IARS1: variants seen among roughly 807,000 people sequenced by gnomAD.
IARS1 encodes the protein isoleucine--tRNA ligase, cytoplasmic.
A neutral mutation model predicts 168.2 loss-of-function variants in IARS1; 124 were observed. That is an observed-to-expected ratio of 0.74 (90% CI 0.64 to 0.86). IARS1 has a LOEUF of 0.86. IARS1 is among the 40% of genes least tolerant of loss of function. The probability of loss-of-function intolerance (pLI) is 0.00; values close to 1 mark genes in which losing one functional copy is unlikely to be tolerated. For missense variants in IARS1, 1,452 were observed against 1,515.8 expected, an observed-to-expected ratio of 0.96 and a Z score of 0.70; for synonymous variants, 532 against 529.4, an observed-to-expected ratio of 1.00 and a Z score of -0.07.
At chr9:92,273,438 AT>A (rs1833373670) in intron 10 of IARS1, among the ~76,000 whole-genome samples, 1 of 152,194 alleles carries the variant, frequency 6.6e-6, no homozygotes, top group Non-Finnish European at 1.5e-5. Context: ...GAGGATGAGG[AT>A]TTGCTTTTAA....
At chr9:92,244,428 C>T (rs1028814183) in intron 27 of IARS1, among the ~76,000 whole-genome samples, 1 of 152,088 alleles carries the variant, frequency 6.6e-6, no homozygotes, top group Non-Finnish European at 1.5e-5. Context: ...AACCCACATG[C>T]GAGATCTTAC....
At chr9:92,281,281 G>A (rs1456624845) in intron 6 of IARS1, among the ~76,000 whole-genome samples, 1 of 151,852 alleles carries the variant, frequency 6.6e-6, no homozygotes, top group Non-Finnish European at 1.5e-5. Context: ...TTATAGGTGC[G>A]TGTCACCACA....
intron 6 of IARS1, among the ~76,000 whole-genome samples, chr9:92,282,286 CA>C (rs1325018148): frequency 6.6e-6 from 1 of 151,824 alleles, no homozygotes; most frequent in Non-Finnish European, 1.5e-5. Flanking sequence ...TTTGAAACTA[CA>C]TCAAAATTAA....
intron 10 of IARS1, among the ~76,000 whole-genome samples, chr9:92,273,859 C>T (rs1281800365): frequency 6.6e-6 from 1 of 152,224 alleles, no homozygotes; most frequent in Non-Finnish European, 1.5e-5. Context: ...CTACACCATG[C>T]TACAGAGGAG....
Position 92,253,469 on chromosome 9 carries a change from G to C in IARS1, c.2138-16C>G, listed in dbSNP as rs778083639. ...AGCCTATAAGCTAAAAGTAAGACAA[G>C]TCAATCAGGCAGCAAGTGGGTTACC... On this transcript the variant is annotated splice_polypyrimidine_tract_variant and intron_variant, in intron 20 of 33. Coordinates refer to ENST00000443024, the MANE Select transcript of IARS1 (RefSeq NM_002161.6). 1 of 1,578,918 alleles carries C rather than the reference G, an allele frequency of 6.3e-7. No individual in the cohort carries two copies. Among genetic ancestry groups the C allele is most frequent in the East Asian group, 2.2e-5 (1 of 44,698 alleles).
At chr9:92,228,072 G>C (rs1390950369) in intron 31 of IARS1, among the ~76,000 whole-genome samples, 1 of 152,166 alleles carries the variant, frequency 6.6e-6, no homozygotes, top group Non-Finnish European at 1.5e-5. Context: ...ACGAGACTCC[G>C]TCTGCAATCC....
At chr9:92,217,569 C>CT (rs1183608477) in intron 33 of IARS1, among the ~76,000 whole-genome samples, 2 of 150,532 alleles carry the variant, frequency 1.3e-5, no homozygotes, top group Non-Finnish European at 3.0e-5. Context: ...CAAATAGACG[C>CT]AATACAAAAT....
intron 33 of IARS1, among the ~76,000 whole-genome samples, chr9:92,220,102 G>C (rs1839422396): frequency 6.7e-6 from 1 of 148,614 alleles, no homozygotes; most frequent in Non-Finnish European, 1.5e-5. Context: ...AAAATGATGA[G>C]TTCATGTCCT....
At chr9:92,213,868 G>C (rs1838178860) in intron 33 of IARS1, among the ~76,000 whole-genome samples, 1 of 152,078 alleles carries the variant, frequency 6.6e-6, no homozygotes, top group African/African-American at 2.4e-5. Context: ...CTGGAGTGCA[G>C]TGATGCAATC....
At chr9:92,270,927 G>GT (rs1832936645) in intron 12 of IARS1, 58 bp downstream of exon 12, 21 of 1,156,060 alleles carry the variant, frequency 1.8e-5, no homozygotes, top group Non-Finnish European at 2.6e-5. Flanking sequence ...GGCACATATA[G>GT]TAAGTGTAAG....
chr9:92,219,061 T>A (rs1839249418), intron 33 of IARS1, among the ~76,000 whole-genome samples: 1 of 152,144 alleles, frequency 6.6e-6, no homozygotes, highest in Non-Finnish European at 1.5e-5. Flanking sequence ...ATGGTACTGG[T>A]ACCAAAATAG....
At chr9:92,279,074 C>G (rs2133930086) in intron 7 of IARS1, among the ~76,000 whole-genome samples, 1 of 152,250 alleles carries the variant, frequency 6.6e-6, no homozygotes, top group East Asian at 1.9e-4. Flanking sequence ...AATTTAAACT[C>G]TCATCATAAG....
In IARS1 at chr9:92,287,782, C is replaced by G; in HGVS notation, c.396+9G>C. ...TGCTGTTCATTCTACTGAAAAAAAC[C>G]CAACATACCTTCCACTCAGCAGAAT... On this transcript the variant is annotated intron_variant, in intron 4 of 33. Coordinates refer to ENST00000443024, the MANE Select transcript of IARS1 (RefSeq NM_002161.6). 1 of 1,606,430 alleles carries G rather than the reference C, an allele frequency of 6.2e-7. No individual in the cohort carries two copies. Among genetic ancestry groups the G allele is most frequent in the South Asian group, 1.1e-5 (1 of 89,742 alleles).
intron 16 of IARS1, among the ~76,000 whole-genome samples, chr9:92,263,959 A>G (rs894172192): frequency 6.6e-6 from 1 of 152,244 alleles, no homozygotes; most frequent in Non-Finnish European, 1.5e-5. Context: ...GAATTCAATG[A>G]TTACCCAAAG....
chr9:92,218,118 A>T (rs1430061644), intron 33 of IARS1, among the ~76,000 whole-genome samples: 1 of 152,158 alleles, frequency 6.6e-6, no homozygotes, highest in African/African-American at 2.4e-5. Flanking sequence ...GGCTGGTTCA[A>T]TATACGCAAA....
chr9:92,244,942 A>G lies in IARS1; in HGVS notation c.2904+17T>C. The G allele has an allele frequency of 6.3e-7, 1 of 1,599,842 alleles. No homozygotes were observed. Among genetic ancestry groups the G allele is most frequent in the East Asian group, 2.2e-5 (1 of 44,820 alleles). On this transcript the variant is annotated intron_variant, in intron 27 of 33. Coordinates refer to ENST00000443024, the MANE Select transcript of IARS1 (RefSeq NM_002161.6). ...TCATCTCTTGGTAAAGAAATGTTCTAGGAAACAGAAAAATACCTGAGCATC... is the reference window on the plus strand; with the variant it reads ...TCATCTCTTGGTAAAGAAATGTTCTGGGAAACAGAAAAATACCTGAGCATC...
chr9:92,237,398 T>A (rs1435011452), intron 30 of IARS1, among the ~76,000 whole-genome samples: 1 of 152,222 alleles, frequency 6.6e-6, no homozygotes, highest in Non-Finnish European at 1.5e-5. Flanking sequence ...GAGAGCACAC[T>A]CTGGTTTCAA....
rs751888371 is a variant in IARS1 at position 92,265,523 on chromosome 9, CAA to C, written c.1460_1461del (p.Leu487ArgfsTer17). ...GAGATCTTTGCTCCTGACAGTTCTT[CAA>C]GTTCCGCCACTGACCCAATGCATAC... ...EVVCIGSVAELEELSGAKISD... is the reference protein window; with the variant it reads ...EVVCIGSVAEXEELSGAKISD... On this transcript the variant is annotated frameshift_variant, in exon 15 of 34. Coordinates refer to ENST00000443024, the MANE Select transcript of IARS1 (RefSeq NM_002161.6). LOFTEE classifies it high-confidence loss of function. 1 of 1,613,974 alleles carries C rather than the reference CAA, an allele frequency of 6.2e-7. No homozygotes were observed. The highest frequency in any genetic ancestry group is 1.3e-5 in the African/African-American group (1 of 74,926).
intron 22 of IARS1, 47 bp from the exon 23 acceptor site, chr9:92,250,881 C>T (rs754611152): frequency 1.3e-6 from 2 of 1,551,912 alleles, no homozygotes; most frequent in African/African-American, 1.4e-5. Flanking sequence ...CAGTCATCAA[C>T]AACTGATCTC....
Sources: allele counts gnomAD v4.1 joint callset (sites outside exome capture counted in the v4.1 genomes callset), GRCh38; gene constraint gnomAD v4.1.1; transcripts MANE v1.5; gene names NCBI Gene and HGNC (gene_info 2026-07-23, HGNC 2026-07-21).